PAPPA: variants seen among roughly 807,000 people sequenced by gnomAD.
PAPPA encodes the protein pappalysin-1.
A neutral mutation model predicts 164.0 loss-of-function variants in PAPPA; 60 were observed. The ratio of observed to expected loss-of-function variants is 0.37; its 90% CI spans 0.30 to 0.45. PAPPA has a LOEUF of 0.45. Among genes scored for constraint, PAPPA ranks in the 20% least tolerant of loss-of-function variants. PAPPA has a pLI of 1.00. For missense variants in PAPPA, 1,782 were observed against 2,087.3 expected (o/e 0.85, Z 2.85); for synonymous variants, 875 against 814.1 (o/e 1.07, Z -1.27).
intron 15 of PAPPA, 143 bp from the exon 16 acceptor site, chr9:116,352,563 C>T: frequency 1.4e-6 from 1 of 709,998 alleles, no homozygotes; most frequent in Non-Finnish European, 2.5e-6. Flanking sequence ...TCCCTAGGCT[C>T]CTCAGTTGGA....
intron 15 of PAPPA, among the ~76,000 whole-genome samples, chr9:116,350,285 A>G (rs923296675): frequency 2.6e-5 from 4 of 152,338 alleles, no homozygotes; most frequent in Non-Finnish European, 5.9e-5. Context: ...AACGAAGGGC[A>G]CATCATGTAT....
chr9:116,371,717 C>T (rs1652590793), intron 19 of PAPPA, among the ~76,000 whole-genome samples: 1 of 151,864 alleles, frequency 6.6e-6, no homozygotes, highest in African/African-American at 2.4e-5. Context: ...TTTTATTGAG[C>T]TATAACTTAC....
At chr9:116,197,176 T>C (rs191290048) in intron 2 of PAPPA, among the ~76,000 whole-genome samples, 1 of 152,330 alleles carries the variant, frequency 6.6e-6, no homozygotes, top group Admixed American at 6.5e-5. Flanking sequence ...GGTTTGTTCA[T>C]GCACACATAT....
At chr9:116,186,551 C>T (rs900285433) in intron 1 of PAPPA, among the ~76,000 whole-genome samples, 1 of 152,144 alleles carries the variant, frequency 6.6e-6, no homozygotes, top group East Asian at 1.9e-4. Flanking sequence ...CTGACCCTCA[C>T]TTTTATGCCC....
chr9:116,288,098 C>T (rs538811696), intron 9 of PAPPA, among the ~76,000 whole-genome samples: 37 of 152,160 alleles, frequency 2.4e-4, no homozygotes, highest in Non-Finnish European at 5.0e-4. Context: ...AGGCCAGGCG[C>T]GATGGCTTAC....
chr9:116,220,215 G>A (rs1234166796), intron 5 of PAPPA, 86 bp downstream of exon 5: 4 of 997,846 alleles, frequency 4.0e-6, no homozygotes, highest in East Asian at 2.4e-5. Flanking sequence ...ACTTGGAGAG[G>A]GATTTTACTG....
Position 116,219,950 on chromosome 9 carries a change from G to A in PAPPA, c.1932G>A (p.Thr644=), listed in dbSNP as rs183240049. 38 of 1,612,860 alleles carry A rather than the reference G, an allele frequency of 2.4e-5. 1 individual carries two copies. The highest frequency in any genetic ancestry group is 2.2e-4 in the South Asian group (20 of 90,950). ...GCCTGCTTGCAGATGACGACTGTAC[G>A]GACTCCTTCACGCCCAATCAAGTCG... ...NFMSYADDDC[T]DSFTPNQVAR... is the part of the protein sequence containing the mutation. Residue 644 remains threonine, a synonymous_variant, in exon 5 of 22, where the codon ACG becomes ACA. Coordinates refer to ENST00000328252, the MANE Select transcript of PAPPA (RefSeq NM_002581.5).
At chr9:116,224,280 C>T (rs1233187280) in intron 5 of PAPPA, among the ~76,000 whole-genome samples, 1 of 152,188 alleles carries the variant, frequency 6.6e-6, no homozygotes, top group African/African-American at 2.4e-5. Context: ...CTTGCAAACA[C>T]GTGTTGACTG....
At chr9:116,374,077 T>A (rs1846612714) in intron 19 of PAPPA, among the ~76,000 whole-genome samples, 1 of 152,010 alleles carries the variant, frequency 6.6e-6, no homozygotes. Flanking sequence ...GGTGTTTTCA[T>A]GCTGGTGATG....
chr9:116,362,952 A>G (rs1846449013), intron 18 of PAPPA, among the ~76,000 whole-genome samples: 2 of 152,212 alleles, frequency 1.3e-5, no homozygotes, highest in Admixed American at 1.3e-4. Flanking sequence ...GTGCACAGTT[A>G]CAACAGAATA....
intron 9 of PAPPA, among the ~76,000 whole-genome samples, chr9:116,282,277 A>G (rs1837457444): frequency 6.6e-6 from 1 of 152,210 alleles, no homozygotes; most frequent in Non-Finnish European, 1.5e-5. Flanking sequence ...AATAGTTGTT[A>G]TACTGTAATG....
At chr9:116,332,698 TC>T in intron 12 of PAPPA, 1 of 434,244 alleles carries the variant, frequency 2.3e-6, no homozygotes, top group South Asian at 4.0e-5. Context: ...AGCACTCCCT[TC>T]TGCCAGCCAC....
Position 116,187,570 on chromosome 9 carries a change from C to A in PAPPA, c.832C>A (p.His278Asn). The A allele has an allele frequency of 6.2e-7, 1 of 1,614,198 alleles. No homozygotes were observed. Among genetic ancestry groups the A allele is most frequent in the Non-Finnish European group, 8.5e-7 (1 of 1,180,036 alleles). ...ILSDMETHGA[H>N]TALPQLLLQE... The stretch of plus-strand genomic sequence containing the variant: ...GTCTGACATGGAAACCCATGGCGCC[C>A]ACACTGCTCTACCTCAGCTCCTCCT... The change falls in exon 2 of 22, where the codon CAC (histidine) becomes AAC (asparagine). Residue 278 changes from histidine (H) to asparagine (N), a missense_variant. His to Asn is a moderately conservative substitution (Grantham distance 68). Around this residue, in one of 2 missense-constraint regions of PAPPA, gnomAD observed 458 missense variants for 430.3 expected, o/e 1.06. Transcript: ENST00000328252. The surrounding 1 kb of genome is among the most constrained non-coding windows in gnomAD (Gnocchi z 4.2).
intron 1 of PAPPA, among the ~76,000 whole-genome samples, chr9:116,164,225 G>T (rs1437386912): frequency 6.6e-6 from 1 of 152,062 alleles, no homozygotes; most frequent in Non-Finnish European, 1.5e-5. Context: ...TCCTTCAGAG[G>T]ATCCCTGGAA....
intron 7 of PAPPA, among the ~76,000 whole-genome samples, chr9:116,265,051 C>A (rs1036961706): frequency 6.6e-6 from 1 of 152,098 alleles, no homozygotes; most frequent in East Asian, 1.9e-4. Context: ...CATGACCCAA[C>A]TTTGCAAGGG....
chr9:116,382,077 C>T (rs981183661), intron 20 of PAPPA, among the ~76,000 whole-genome samples: 2 of 152,148 alleles, frequency 1.3e-5, no homozygotes, highest in African/African-American at 4.8e-5. Context: ...AATGAGCCCT[C>T]TTTCAGGAAG....
chr9:116,227,740 T>C (rs1171531385), intron 6 of PAPPA, among the ~76,000 whole-genome samples, 188 bp downstream of exon 6: 2 of 152,318 alleles, frequency 1.3e-5, no homozygotes, highest in Non-Finnish European at 2.9e-5. Flanking sequence ...ACTTGCACTA[T>C]CCTAACATGT....
Position 116,187,303 on chromosome 9 carries a change from C to A in PAPPA, c.565C>A (p.Arg189Ser). 2 of 1,614,126 alleles carry A rather than the reference C, an allele frequency of 1.2e-6. No homozygotes were observed. The highest frequency in any genetic ancestry group is 1.1e-5 in the South Asian group (1 of 91,080). ...ARQVTTINAH[R>S]SYLPGQWVYL... ...GCAAGTGACCACCATCAATGCCCAC[C>A]GCAGCTACCTCCCAGGCCAGTGGGT... is the stretch of plus-strand genomic sequence containing the variant. Residue 189 changes from arginine to serine, a missense_variant, in exon 2 of 22, where the codon CGC becomes AGC. By Grantham distance (110) the Arg-to-Ser change is moderately radical. Transcript: ENST00000328252. The surrounding 1 kb of genome is among the most constrained non-coding windows in gnomAD (Gnocchi z 4.2).
intron 14 of PAPPA, 91 bp downstream of exon 14, chr9:116,344,802 A>C: frequency 8.8e-7 from 1 of 1,137,716 alleles, no homozygotes; most frequent in Non-Finnish European, 1.3e-6. Flanking sequence ...ACCCAGCAGC[A>C]CTTAAAATAG....
Sources: allele counts gnomAD v4.1 joint callset (sites outside exome capture counted in the v4.1 genomes callset), GRCh38; gene constraint gnomAD v4.1.1; regional missense constraint gnomAD v4.1.1; non-coding constraint Gnocchi (gnomAD v3.1); transcripts MANE v1.5; gene names NCBI Gene and HGNC (gene_info 2026-07-23, HGNC 2026-07-21).